The following BUD13 variants were observed in gnomAD, a reference collection of about 807,000 sequenced individuals.
The protein encoded by BUD13 is BUD13 homolog.
A neutral mutation model predicts 62.5 loss-of-function variants in BUD13; 47 were observed. The ratio of observed to expected loss-of-function variants is 0.75; its 90% CI spans 0.60 to 0.96. The LOEUF is 0.96. BUD13 is among the 40% of genes least tolerant of loss of function. The pLI, the probability that BUD13 is intolerant of heterozygous loss-of-function variation, is 0.00. For missense variants in BUD13, 821 were observed against 790.9 expected (o/e 1.04, Z -0.46); for synonymous variants, 293 against 280.1 (o/e 1.05, Z -0.46).
At position 116,748,485 on chromosome 11, in the gene BUD13, C is replaced by T. The variant is rs756692659; in HGVS notation, c.1857G>A (p.Met619Ile). ...CACCCCCACAGCCTCAGGAAAGTTA[C>T]ATATCCTCAACACTCCATTTGTAGG... ...ELAYKWSVEDM is the reference protein window; with the variant it reads ...ELAYKWSVEDI The change falls in exon 10 of 10, where the codon ATG becomes ATA. Residue 619 changes from methionine to isoleucine, a missense_variant. This residue lies in a region of BUD13 where 21 missense variants were observed against 51.7 expected (regional missense o/e 0.41). Coordinates refer to ENST00000260210, the MANE Select transcript of BUD13 (RefSeq NM_032725.4). 6.2e-7 allele frequency: 1 copy of T among 1,614,108 alleles called. No homozygotes were observed. The highest frequency in any genetic ancestry group is 1.3e-5 in the African/African-American group (1 of 74,946).
At chr11:116,757,607 A>C (rs1289559465) in intron 8 of BUD13, among the ~76,000 whole-genome samples, 159 bp downstream of exon 8, 1 of 152,068 alleles carries the variant, frequency 6.6e-6, no homozygotes, top group Admixed American at 6.5e-5. Flanking sequence ...GCCTGGAAAA[A>C]TTTTTATATA....
chr11:116,763,970 C>A (rs982262578), intron 3 of BUD13, among the ~76,000 whole-genome samples: 2 of 152,194 alleles, frequency 1.3e-5, no homozygotes, highest in African/African-American at 4.8e-5. Flanking sequence ...GACATAAATA[C>A]TGTCATTTCA....
intron 3 of BUD13, among the ~76,000 whole-genome samples, chr11:116,764,943 C>T (rs773392940): frequency 1.3e-5 from 2 of 152,100 alleles, no homozygotes; most frequent in South Asian, 2.1e-4. Flanking sequence ...ACAAACAGAA[C>T]AAAATACACT....
chr11:116,751,619 A>T (rs896457010), intron 9 of BUD13, among the ~76,000 whole-genome samples: 2 of 152,062 alleles, frequency 1.3e-5, no homozygotes, highest in Admixed American at 1.3e-4. Context: ...AACAAGAGCG[A>T]AATTCCGTCT....
In BUD13 at chr11:116,758,326, C is replaced by A. The variant is rs143244324; in HGVS notation, c.1442G>T (p.Arg481Met). The part of the protein sequence containing the change: ...RNLKLERLEQ[R>M]RKAEKDSERD... ...CTCTGAGTCCTTTTCTGCTTTCCTC[C>A]TTTGCTCTAAACGTTCGAGTTTCAA... The change falls in exon 7 of 10, where the codon AGG becomes ATG. Residue 481 changes from arginine (R) to methionine (M), a missense_variant. This residue lies in a region of BUD13 where 800 missense variants were observed against 739.2 expected (regional missense o/e 1.08). Transcript: ENST00000260210. The A allele has an allele frequency of 6.3e-5, 101 of 1,614,076 alleles. No homozygotes were observed. Among genetic ancestry groups the A allele is most frequent in the Non-Finnish European group, 5.9e-6 (7 of 1,180,048 alleles).
chr11:116,749,637 G>C (rs1490060633), intron 9 of BUD13, among the ~76,000 whole-genome samples: 2 of 152,222 alleles, frequency 1.3e-5, no homozygotes, highest in African/African-American at 4.8e-5. Context: ...AAAGGGAACA[G>C]CCATGAGTCA....
intron 9 of BUD13, among the ~76,000 whole-genome samples, chr11:116,752,618 C>T (rs928460656): frequency 6.6e-6 from 1 of 152,138 alleles, no homozygotes; most frequent in South Asian, 2.1e-4. Context: ...CTACTTCTGG[C>T]TGTATGTATG....
chr11:116,758,121 T>A (rs1417703765), intron 7 of BUD13, 148 bp downstream of exon 7: 2 of 1,402,164 alleles, frequency 1.4e-6, no homozygotes, highest in Non-Finnish European at 1.9e-6. Context: ...AATATATCAA[T>A]ATCCTAGGAA....
Position 116,763,098 on chromosome 11 carries a change from G to GGA in BUD13, c.489_490dup (p.Pro164LeufsTer270), listed in dbSNP as rs1940465526. ...TGAGTCATGACGAGCCCCTCTGAGG[G>GGA]GAGAAGGATCCGGGGTGTCATGACG... On this transcript the variant is annotated frameshift_variant, in exon 4 of 10. Coordinates refer to ENST00000260210, the MANE Select transcript of BUD13 (RefSeq NM_032725.4). LOFTEE classifies it high-confidence loss of function. 3 of 1,581,960 alleles carry GGA rather than the reference G, an allele frequency of 1.9e-6. No homozygotes were observed. The highest frequency in any genetic ancestry group is 2.6e-6 in the Non-Finnish European group (3 of 1,157,544).
chr11:116,768,952 T>A (rs1940577886), intron 2 of BUD13, among the ~76,000 whole-genome samples: 1 of 148,382 alleles, frequency 6.7e-6, no homozygotes, highest in Admixed American at 6.8e-5. Context: ...GAGGCAGAGC[T>A]TGCAGTGAGC....
intron 1 of BUD13, among the ~76,000 whole-genome samples, chr11:116,771,906 C>T (rs942573100): frequency 6.6e-6 from 1 of 152,252 alleles, no homozygotes; most frequent in African/African-American, 2.4e-5. Flanking sequence ...ATCCAGGTGT[C>T]TGCAAGGCCA....
chr11:116,753,030 C>G (rs1375795167), intron 9 of BUD13, among the ~76,000 whole-genome samples: 1 of 152,156 alleles, frequency 6.6e-6, no homozygotes, highest in Non-Finnish European at 1.5e-5. Flanking sequence ...CCCGAACAGA[C>G]TAACCTATCC....
intron 9 of BUD13, among the ~76,000 whole-genome samples, chr11:116,756,251 C>G (rs1940322396): frequency 6.6e-6 from 1 of 151,866 alleles, no homozygotes; most frequent in Admixed American, 6.6e-5. Flanking sequence ...ATCCTGTAAG[C>G]CTGTAATACC....
chr11:116,760,944 G>C lies in BUD13; in HGVS notation c.1045C>G (p.Gln349Glu). The change falls in exon 5 of 10, where the codon CAG becomes GAG. Residue 349 changes from glutamine (Q) to glutamate (E), a missense_variant. By Grantham distance (29) the Gln-to-Glu change is conservative (BLOSUM62 2). Coordinates refer to ENST00000260210, the MANE Select transcript of BUD13 (RefSeq NM_032725.4). The part of the protein sequence containing the change: ...KKQLDSKGDC[Q>E]KATDSDLSSP... ...GAAAGGTCTGAATCAGTTGCTTTCT[G>C]GCAGTCACCTGGATAGGAGCAAAGA... 4 of 1,614,014 alleles carry C rather than the reference G, an allele frequency of 2.5e-6. No individual in the cohort carries two copies. Among genetic ancestry groups the C allele is most frequent in the Non-Finnish European group, 3.4e-6 (4 of 1,179,944 alleles).
intron 9 of BUD13, among the ~76,000 whole-genome samples, chr11:116,749,564 A>G (rs1382659118): frequency 6.6e-6 from 1 of 152,166 alleles, no homozygotes; most frequent in Non-Finnish European, 1.5e-5. Flanking sequence ...CGGAAATAAG[A>G]AGTGGCCTGG....
chr11:116,768,847 CA>C (rs571724215), intron 2 of BUD13, among the ~76,000 whole-genome samples: 36 of 149,012 alleles, frequency 2.4e-4, no homozygotes, highest in Non-Finnish European at 3.9e-4. Context: ...ACTAAAAATA[CA>C]AAAAAAAACA....
At chr11:116,759,219 G>C (rs1355934452) in intron 5 of BUD13, 40 bp from the exon 6 acceptor site, 1 of 1,446,114 alleles carries the variant, frequency 6.9e-7, no homozygotes, top group South Asian at 1.1e-5. Flanking sequence ...TTAATGAGAT[G>C]ATGTGACAGT....
Position 116,759,125 on chromosome 11 carries a change from G to A in BUD13, c.1309C>T (p.Arg437Ter), listed in dbSNP as rs369731762. ...TGTTCCTTGAGCTCCTGCTGTTCTC[G>A]CTGTATGTCAGTTAACACCAACCCA... The part of the protein sequence containing the change: ...KTGLVLTDIQ[R>*]EQQELKEQDQ... Residue 437 changes from arginine (R) to a stop codon, truncating the protein, a stop_gained, in exon 6 of 10, where the codon CGA (arginine) becomes TGA (stop). Coordinates refer to ENST00000260210, the MANE Select transcript of BUD13 (RefSeq NM_032725.4). LOFTEE classifies it high-confidence loss of function. The A allele has an allele frequency of 8.1e-6, 13 of 1,613,512 alleles. No homozygotes were observed. The highest frequency in any genetic ancestry group is 3.3e-5 in the Admixed American group (2 of 59,944).
In BUD13 at chr11:116,757,270, G is replaced by A. The variant is rs764603937; in HGVS notation, c.1685-43C>T. On this transcript the variant is annotated intron_variant, in intron 8 of 9. Transcript: ENST00000260210. The stretch of plus-strand genomic sequence containing the variant: ...AAAAAAGTATTCAGTTAATGACATA[G>A]TTTAATTCAGAGCTGGATGGCAATG... The A allele has an allele frequency of 3.2e-6, 5 of 1,538,766 alleles. No individual in the cohort carries two copies. The Admixed American group carries it at 8.5e-5, about 26-fold the overall frequency.
Sources: allele counts gnomAD v4.1 joint callset (sites outside exome capture counted in the v4.1 genomes callset), GRCh38; gene constraint gnomAD v4.1.1; regional missense constraint gnomAD v4.1.1; transcripts MANE v1.5; gene names NCBI Gene and HGNC (gene_info 2026-07-23, HGNC 2026-07-21).